The following TEFM variants were observed in gnomAD, a reference collection of about 807,000 sequenced individuals.
TEFM encodes the protein transcription elongation factor of mitochondria.
Under a neutral mutation model 23.0 loss-of-function variants are expected in TEFM, and 14 were observed. That is an observed-to-expected ratio of 0.61 (90% confidence interval 0.40 to 0.95). The LOEUF (loss-of-function observed/expected upper bound fraction) is 0.95. Ranked by LOEUF, TEFM falls within the 40% of genes least tolerant of loss-of-function variation. The pLI, the probability that TEFM is intolerant of heterozygous loss-of-function variation, is 0.00. For synonymous variants in TEFM, 155 were observed against 158.3 expected, an observed-to-expected ratio of 0.98 and a Z score of 0.16; for missense variants, 386 against 425.5, an observed-to-expected ratio of 0.91 and a Z score of 0.82.
Position 30,904,521 on chromosome 17 carries a change from T to C in TEFM, c.40A>G (p.Arg14Gly). 3 of 1,593,826 alleles carry C rather than the reference T, an allele frequency of 1.9e-6. No homozygotes were observed. The highest frequency in any genetic ancestry group is 2.6e-6 in the Non-Finnish European group (3 of 1,171,116). ...SVLFTAGERW[R>G]CFLTPSRSSL... Reference sequence around the variant, plus strand: ...GACCTCGACGGGGTCAGAAAGCATCTCCACCTCTCTAAAAGGAAAATTTAG... The same window carrying C: ...GACCTCGACGGGGTCAGAAAGCATCCCCACCTCTCTAAAAGGAAAATTTAG... Residue 14 changes from arginine to glycine, a missense_variant, in exon 2 of 4, where the codon AGA becomes GGA. By Grantham distance (125) the Arg-to-Gly change is moderately radical. Coordinates refer to ENST00000581216, the MANE Select transcript of TEFM (RefSeq NM_024683.4).
At position 30,899,510 on chromosome 17, in the gene TEFM, A is replaced by G. The variant is rs779427575; in HGVS notation, c.742T>C (p.Leu248=). 1 of 1,614,126 alleles carries G rather than the reference A, an allele frequency of 6.2e-7. No homozygotes were observed. Among genetic ancestry groups the G allele is most frequent in the Non-Finnish European group, 8.5e-7 (1 of 1,179,960 alleles). The change falls in exon 4 of 4, where the codon TTA becomes CTA. Residue 248 remains leucine (L), a synonymous_variant. Transcript: ENST00000581216. ...ATGGCTTCCATGATATGAAAATGTA[A>G]CAGTATTGGAAACAGAGATGAGTTC... is the stretch of plus-strand genomic sequence containing the variant. ...IQNSSLFPIL[L]HFHIMEAMLY...
chr17:30,906,131 C>T (rs570802406), intron 1 of TEFM, 37 bp downstream of exon 1: 1 of 1,475,338 alleles, frequency 6.8e-7, no homozygotes, highest in African/African-American at 1.5e-5. Context: ...AGGCTAATGA[C>T]AGACGGGAAA....
Position 30,899,430 on chromosome 17 carries a change from C to G in TEFM, c.822G>C (p.Leu274=), listed in dbSNP as rs1909989790. 1.2e-6 allele frequency: 2 copies of G among 1,614,196 alleles called. No homozygotes were observed. The highest frequency in any genetic ancestry group is 2.7e-5 in the African/African-American group (2 of 75,060). Residue 274 remains leucine, a synonymous_variant, in exon 4 of 4, where the codon CTG becomes CTC. Coordinates refer to ENST00000581216, the MANE Select transcript of TEFM (RefSeq NM_024683.4). ...TFAQDGQHQV[L]SMNRNAVGKH... is the part of the protein sequence containing the mutation. ...TCCCCACTGCATTTCGATTCATGCT[C>G]AGCACCTGATGCTGCCCATCCTGGG...
At position 30,904,244 on chromosome 17, in the gene TEFM, A is replaced by C. The variant is rs1197247085; in HGVS notation, c.317T>G (p.Phe106Cys). 5 of 1,614,196 alleles carry C rather than the reference A, an allele frequency of 3.1e-6. No homozygotes were observed. Among genetic ancestry groups the C allele is most frequent in the Non-Finnish European group, 4.2e-6 (5 of 1,180,042 alleles). The change falls in exon 2 of 4, where the codon TTT becomes TGT. Residue 106 changes from phenylalanine to cysteine, a missense_variant. Coordinates refer to ENST00000581216, the MANE Select transcript of TEFM (RefSeq NM_024683.4). ...SINIVEHRENFGPFQNLESLM... is the reference protein window; with the variant it reads ...SINIVEHRENCGPFQNLESLM... The stretch of plus-strand genomic sequence containing the variant: ...ACTCTCTAAATTCTGAAATGGCCCA[A>C]AGTTTTCTCTGTGCTCTACGATATT...
At position 30,899,174 on chromosome 17, in the gene TEFM, G is replaced by C. The variant is rs757407017; in HGVS notation, c.1078C>G (p.Pro360Ala). 3.2e-6 allele frequency: 5 copies of C among 1,581,204 alleles called. No homozygotes were observed. Among genetic ancestry groups the C allele is most frequent in the Non-Finnish European group, 8.6e-7 (1 of 1,161,510 alleles). The change falls in exon 4 of 4, where the codon CCT becomes GCT. Residue 360 changes from proline (P) to alanine (A), a missense_variant. Coordinates refer to ENST00000581216, the MANE Select transcript of TEFM (RefSeq NM_024683.4). ...AGCACGTTAACCTCAGAATTCTAAG[G>C]CTGAGAGTCAAACACTGCTAATTCA... ...FYELAVFDSQ[P>A]
intron 1 of TEFM, among the ~76,000 whole-genome samples, chr17:30,905,093 C>T (rs1252592553): frequency 2.0e-5 from 3 of 151,988 alleles, no homozygotes; most frequent in Non-Finnish European, 2.9e-5. Flanking sequence ...TGGATCAGTC[C>T]GAAGTTTTAC....
intron 2 of TEFM, among the ~76,000 whole-genome samples, chr17:30,902,024 T>A (rs1217739863): frequency 1.3e-5 from 2 of 152,158 alleles, no homozygotes; most frequent in Non-Finnish European, 2.9e-5. Context: ...TTGTTTTGTT[T>A]TGGTTTGTTT....
At chr17:30,900,158 T>C in intron 3 of TEFM, 1 of 430,426 alleles carries the variant, frequency 2.3e-6, no homozygotes, top group Non-Finnish European at 4.1e-6. Context: ...AGAGTGATAA[T>C]GTTCTATAAC....
In TEFM at chr17:30,904,108, C is replaced by T. The variant is rs1327146048; in HGVS notation, c.453G>A (p.Leu151=). 1.2e-6 allele frequency: 2 copies of T among 1,613,896 alleles called. No individual in the cohort carries two copies. The change falls in exon 2 of 4, where the codon CTG becomes CTA. Residue 151 remains leucine (L), a synonymous_variant. Coordinates refer to ENST00000581216, the MANE Select transcript of TEFM (RefSeq NM_024683.4). ...CTATGTCTGGTTTGAGGAGCTTTCTCAGGAACCGGTTTTCCGGTGACTTTC... is the reference window on the plus strand; with the variant it reads ...CTATGTCTGGTTTGAGGAGCTTTCTTAGGAACCGGTTTTCCGGTGACTTTC... The part of the protein sequence containing the change: ...EKRKSPENRF[L]RKLLKPDIER...
intron 3 of TEFM, chr17:30,900,075 C>T (rs552893373): frequency 2.7e-6 from 1 of 375,114 alleles, no homozygotes; most frequent in South Asian, 9.0e-5. Context: ...TAATTCCTGA[C>T]CATTTCGCAA....
intron 2 of TEFM, among the ~76,000 whole-genome samples, chr17:30,902,113 T>C (rs1910058271): frequency 6.6e-6 from 1 of 152,218 alleles, no homozygotes; most frequent in African/African-American, 2.4e-5. Context: ...TAGATTTTGC[T>C]TCCTATCAAG....
intron 1 of TEFM, 39 bp from the exon 2 acceptor site, chr17:30,904,568 T>A: frequency 6.8e-7 from 1 of 1,478,046 alleles, no homozygotes; most frequent in Non-Finnish European, 9.2e-7. Context: ...TTGGATGTCC[T>A]ACTTCCTTTG....
chr17:30,904,062 A>G lies in TEFM; in HGVS notation c.495+4T>C. On this transcript the variant is annotated splice_donor_region_variant and intron_variant, in intron 2 of 3. Coordinates refer to ENST00000581216, the MANE Select transcript of TEFM (RefSeq NM_024683.4). ...AGGCAGTATAGCAGACATGAAGAAT[A>G]TACCTTAAGTCTTTCTCTTTCTATG... The G allele has an allele frequency of 6.2e-7, 1 of 1,609,778 alleles. No individual in the cohort carries two copies. The highest frequency in any genetic ancestry group is 1.1e-5 in the South Asian group (1 of 90,298).
intron 3 of TEFM, chr17:30,899,903 C>A (rs1189402780): frequency 3.9e-6 from 1 of 256,468 alleles, no homozygotes; most frequent in Admixed American, 4.9e-5. Flanking sequence ...CAACTTAAAA[C>A]TGTTTTACTA....
chr17:30,902,831 T>C (rs1435853714), intron 2 of TEFM, among the ~76,000 whole-genome samples: 1 of 152,098 alleles, frequency 6.6e-6, no homozygotes, highest in Non-Finnish European at 1.5e-5. Flanking sequence ...AGGACATGAG[T>C]TCCTCTAAAG....
Position 30,899,281 on chromosome 17 carries a change from T to C in TEFM, c.971A>G (p.His324Arg). 3.1e-6 allele frequency: 5 copies of C among 1,614,226 alleles called. No homozygotes were observed. Among genetic ancestry groups the C allele is most frequent in the Non-Finnish European group, 3.4e-6 (4 of 1,180,038 alleles). Residue 324 changes from histidine (H) to arginine (R), a missense_variant, in exon 4 of 4, where the codon CAC (histidine) becomes CGC (arginine). By Grantham distance (29) the His-to-Arg change is conservative. Coordinates refer to ENST00000581216, the MANE Select transcript of TEFM (RefSeq NM_024683.4). Reference sequence around the variant, plus strand: ...AGTAGATAAAAACATCTGTCTGTAGTGAACTATTTTATCTGATGGGAAGAA... The same window carrying C: ...AGTAGATAAAAACATCTGTCTGTAGCGAACTATTTTATCTGATGGGAAGAA... ...RVFFPSDKIV[H>R]YRQMFLSTEL...
In TEFM at chr17:30,904,117, G is replaced by A. The variant is rs781126807; in HGVS notation, c.444C>T (p.Asn148=). The change falls in exon 2 of 4, where the codon AAC becomes AAT. Residue 148 remains asparagine, a synonymous_variant. Coordinates refer to ENST00000581216, the MANE Select transcript of TEFM (RefSeq NM_024683.4). ...GTTTGAGGAGCTTTCTCAGGAACCG[G>A]TTTTCCGGTGACTTTCTTTTTTCCC... The part of the protein sequence containing the change: ...TGREKRKSPE[N]RFLRKLLKPD... The A allele has an allele frequency of 6.2e-7, 1 of 1,614,036 alleles. No individual in the cohort carries two copies. The highest frequency in any genetic ancestry group is 1.1e-5 in the South Asian group (1 of 91,038).
chr17:30,899,383 C>A lies in TEFM; in HGVS notation c.869G>T (p.Gly290Val). 6.2e-7 allele frequency: 1 copy of A among 1,614,172 alleles called. No individual in the cohort carries two copies. The highest frequency in any genetic ancestry group is 1.3e-5 in the African/African-American group (1 of 75,066). ...AVGKHFELMIGDSRTSGKELV... is the reference protein window; with the variant it reads ...AVGKHFELMIVDSRTSGKELV... ...CTCTTTTCCACTAGTCCGGGAGTCA[C>A]CAATCATCAGTTCAAAATGCTTCCC... The change falls in exon 4 of 4, where the codon GGT becomes GTT. Residue 290 changes from glycine to valine, a missense_variant. By Grantham distance (109) the Gly-to-Val change is moderately radical. Transcript: ENST00000581216.
chr17:30,899,142 A>G lies in TEFM; in HGVS notation c.*27T>C. Reference sequence around the variant, plus strand: ...TGGTGTTACGTTAGAGCTAATAATTATACTTTAGCACGTTAACCTCAGAAT... The same window carrying G: ...TGGTGTTACGTTAGAGCTAATAATTGTACTTTAGCACGTTAACCTCAGAAT... On this transcript the variant is annotated 3_prime_UTR_variant, in exon 4 of 4. Transcript: ENST00000581216. 1 of 1,523,972 alleles carries G rather than the reference A, an allele frequency of 6.6e-7. No homozygotes were observed. 94.4% of individuals were successfully genotyped at this position (1,523,972 alleles called of 1,614,324 possible).
Sources: gnomAD v4.1 joint callset for allele counts (sites outside exome capture counted in the v4.1 genomes callset) on GRCh38, gnomAD v4.1.1 for gene constraint, MANE v1.5 for transcripts, NCBI Gene and HGNC (gene_info 2026-07-23, HGNC 2026-07-21) for gene names.